Variants in SEMA6A observed in about 807,000 individuals in gnomAD.
SEMA6A encodes semaphorin 6A, also known as semaphorin-6A.
Under a neutral mutation model 96.8 loss-of-function variants are expected in SEMA6A, and 25 were observed. The observed-to-expected ratio is 0.26, with a 90% CI of 0.19 to 0.36. The LOEUF is 0.36. SEMA6A is among the 10% of genes least tolerant of loss of function. The pLI, the probability that SEMA6A is intolerant of heterozygous loss-of-function variation, is 1.00. For missense variants in SEMA6A, 1,363 were observed against 1,323.1 expected, an observed-to-expected ratio of 1.03 and a Z score of -0.47; for synonymous variants, 612 against 518.0, an observed-to-expected ratio of 1.18 and a Z score of -2.46.
At chr5:116,552,462 A>T (rs990421802) in intron 1 of SEMA6A, among the ~76,000 whole-genome samples, 3 of 152,202 alleles carry the variant, frequency 2.0e-5, no homozygotes, top group African/African-American at 7.2e-5. Flanking sequence ...AAAACTTTAC[A>T]CTAATTACCT....
At chr5:116,523,292 G>A (rs1180584106) in intron 1 of SEMA6A, among the ~76,000 whole-genome samples, 1 of 152,024 alleles carries the variant, frequency 6.6e-6, no homozygotes, top group Non-Finnish European at 1.5e-5. Context: ...TGGGGTTTAA[G>A]GTCTTACTGG....
At chr5:116,501,318 A>G (rs1332647221) in intron 3 of SEMA6A, among the ~76,000 whole-genome samples, 2 of 152,186 alleles carry the variant, frequency 1.3e-5, no homozygotes, top group Admixed American at 6.5e-5. Context: ...TCCCTGTTTG[A>G]GCCGTATTCT....
intron 1 of SEMA6A, among the ~76,000 whole-genome samples, chr5:116,572,008 T>G (rs1761234938): frequency 6.6e-6 from 1 of 152,172 alleles, no homozygotes; most frequent in African/African-American, 2.4e-5. Flanking sequence ...ACAGACTTGA[T>G]GCCCAAGATG....
At chr5:116,530,712 A>G (rs1759431833) in intron 1 of SEMA6A, among the ~76,000 whole-genome samples, 1 of 152,146 alleles carries the variant, frequency 6.6e-6, no homozygotes, top group Non-Finnish European at 1.5e-5. Flanking sequence ...TTTATCTAAA[A>G]TTTTTACCTT....
In SEMA6A at chr5:116,562,688, G is replaced by C. The variant is rs896654849; in HGVS notation, c.-39+11497C>G. 9 of 720,728 alleles carry C rather than the reference G, an allele frequency of 1.2e-5. No individual in the cohort carries two copies. The East Asian group carries it at 2.5e-4, about 20-fold the overall frequency. The allele number at this position is 720,728 out of a possible 1,614,324, so 44.6% of individuals were successfully genotyped here. The stretch of plus-strand genomic sequence containing the variant: ...ACCCTTCAATGACACTTTTGTCCAT[G>C]TCACTGATCTTTCTGGCAAAGAAAC... On this transcript the variant is annotated intron_variant, in intron 1 of 18. Transcript: ENST00000343348.
intron 8 of SEMA6A, among the ~76,000 whole-genome samples, 190 bp from the exon 9 acceptor site, chr5:116,488,386 TTA>T (rs961646622): frequency 6.6e-6 from 1 of 152,252 alleles, no homozygotes; most frequent in African/African-American, 2.4e-5. Flanking sequence ...CACTTACACA[TTA>T]TCTCTTTCAG....
At chr5:116,449,443 C>T (rs1219129117) in intron 18 of SEMA6A, 2 of 685,128 alleles carry the variant, frequency 2.9e-6, no homozygotes, top group Admixed American at 2.1e-5. Flanking sequence ...AGATCTCTAC[C>T]CCTTCCCAAG....
chr5:116,530,331 C>T (rs994079654), intron 1 of SEMA6A, among the ~76,000 whole-genome samples: 2 of 152,114 alleles, frequency 1.3e-5, no homozygotes, highest in African/African-American at 4.8e-5. Context: ...TAGGCACTCC[C>T]TGTTATGCAT....
intron 17 of SEMA6A, chr5:116,471,822 G>A (rs1414949031): frequency 6.6e-6 from 1 of 152,184 alleles, no homozygotes; most frequent in African/African-American, 2.4e-5. Context: ...TTTACAAAGA[G>A]CTATTAAACA....
chr5:116,448,169 C>G (rs1426635504), intron 18 of SEMA6A, among the ~76,000 whole-genome samples: 2 of 26,340 alleles, frequency 7.6e-5, no homozygotes, highest in Non-Finnish European at 1.5e-4. Context: ...CCCGTCTCTA[C>G]TAAAAAAAAA....
intron 1 of SEMA6A, among the ~76,000 whole-genome samples, chr5:116,571,078 C>T (rs13362128): frequency 0.011 from 1,603 of 152,062 alleles, 26 homozygotes; most frequent in African/African-American, 0.037. Flanking sequence ...CACTTATTGC[C>T]GCCTTATCAT....
rs1754329830 is a variant in SEMA6A, at chr5:116,447,682, T to C, written c.2024A>G (p.Asp675Gly). 1 of 1,613,976 alleles carries C rather than the reference T, an allele frequency of 6.2e-7. No homozygotes were observed. Among genetic ancestry groups the C allele is most frequent in the Non-Finnish European group, 8.5e-7 (1 of 1,179,890 alleles). Residue 675 changes from aspartate to glycine, a missense_variant, in exon 19 of 19, where the codon GAT (aspartate) becomes GGT (glycine). By Grantham distance (94) the Asp-to-Gly change is moderately conservative. Coordinates refer to ENST00000343348, the MANE Select transcript of SEMA6A (RefSeq NM_020796.5). ...CACAGCCACGTCTTTGCGCCGATGA[T>C]CACAGACGCAGTAGACGGTGATGCC... ...FSGITVYCVC[D>G]HRRKDVAVVQ...
At chr5:116,489,849 A>C (rs1447118418) in intron 7 of SEMA6A, among the ~76,000 whole-genome samples, 2 of 152,220 alleles carry the variant, frequency 1.3e-5, no homozygotes, top group East Asian at 3.8e-4. Flanking sequence ...CCAACAAATA[A>C]TCAAAAGGGG....
At chr5:116,457,539 T>G (rs1436189089) in intron 18 of SEMA6A, among the ~76,000 whole-genome samples, 1 of 152,034 alleles carries the variant, frequency 6.6e-6, no homozygotes, top group African/African-American at 2.4e-5. Flanking sequence ...TGGAAAAAAA[T>G]TTATTACCCC....
At chr5:116,504,372 ATTAAT>A (rs1758039784) in intron 2 of SEMA6A, among the ~76,000 whole-genome samples, 2 of 152,192 alleles carry the variant, frequency 1.3e-5, no homozygotes, top group African/African-American at 4.8e-5. Flanking sequence ...TCCTCTATAA[ATTAAT>A]TTCTCTTTAC....
intron 18 of SEMA6A, among the ~76,000 whole-genome samples, chr5:116,463,193 T>G (rs976709125): frequency 6.6e-6 from 1 of 152,118 alleles, no homozygotes; most frequent in Admixed American, 6.6e-5. Context: ...GACTTTTCCT[T>G]TCACATAATC....
chr5:116,467,275 G>A (rs1439148240), intron 18 of SEMA6A, among the ~76,000 whole-genome samples: 1 of 151,622 alleles, frequency 6.6e-6, no homozygotes, highest in East Asian at 1.9e-4. Context: ...ATCACAGAAT[G>A]AGACTAAGAA....
At chr5:116,549,149 C>T (rs756578599) in intron 1 of SEMA6A, among the ~76,000 whole-genome samples, 9 of 152,124 alleles carry the variant, frequency 5.9e-5, no homozygotes, top group Non-Finnish European at 1.3e-4. Flanking sequence ...CCCTTAATAT[C>T]GCCAGGGACC....
intron 1 of SEMA6A, among the ~76,000 whole-genome samples, chr5:116,519,319 A>G (rs905232739): frequency 1.3e-5 from 2 of 152,194 alleles, no homozygotes; most frequent in African/African-American, 4.8e-5. Flanking sequence ...CCAAAGGAAC[A>G]CTGCTTTTGT....
Sources: gnomAD v4.1 joint callset for allele counts (sites outside exome capture counted in the v4.1 genomes callset) on GRCh38, gnomAD v4.1.1 for gene constraint, MANE v1.5 for transcripts, NCBI Gene and HGNC (gene_info 2026-07-23, HGNC 2026-07-21) for gene names.